The following ANXA11 variants were observed in gnomAD, a reference collection of about 807,000 sequenced individuals.
The protein encoded by ANXA11 is 56 kDa autoantigen.
In ANXA11, 57 loss-of-function variants were observed where a neutral mutation model predicts 64.7. The ratio of observed to expected loss-of-function variants is 0.88; its 90% CI spans 0.71 to 1.10. The LOEUF is 1.10. Among genes scored for constraint, ANXA11 ranks in the 50% least tolerant of loss-of-function variants. ANXA11 has a pLI of 0.00. For synonymous variants in ANXA11, 260 were observed against 265.2 expected (o/e 0.98, Z 0.19); for missense variants, 675 against 670.7 (o/e 1.01, Z -0.07).
intron 3 of ANXA11, chr10:80,171,941 A>G (rs1845992471): frequency 1.0e-6 from 1 of 984,268 alleles, no homozygotes; most frequent in South Asian, 4.7e-5. Context: ...GCCCTGGGAC[A>G]GCAGCTGAGC....
intron 1 of ANXA11, among the ~76,000 whole-genome samples, chr10:80,193,618 C>T (rs1466370282): frequency 2.0e-5 from 3 of 151,824 alleles, no homozygotes; most frequent in Non-Finnish European, 4.4e-5. Context: ...CTGAGGCAGG[C>T]AGATCACTTG....
chr10:80,203,084 G>T (rs1840509451), intron 1 of ANXA11, among the ~76,000 whole-genome samples: 1 of 151,504 alleles, frequency 6.6e-6, no homozygotes, highest in African/African-American at 2.4e-5. Flanking sequence ...AAGAAGAGGG[G>T]TGAATCCAGG....
In ANXA11 at chr10:80,153,106, C is replaced by T. The variant is rs1200838339; in HGVS notation, c.*2747G>A. 1 of 152,204 alleles carries T rather than the reference C, an allele frequency of 6.6e-6. No individual in the cohort carries two copies. The highest frequency in any genetic ancestry group is 1.5e-5 in the Non-Finnish European group (1 of 68,040). The allele number at this position is 152,204 out of a possible 1,614,324, so 9.4% of individuals were successfully genotyped here. A position where few individuals can be genotyped will look rare whatever the true frequency, so the allele number is the denominator to read the frequency against. On this transcript the variant is annotated 3_prime_UTR_variant, in exon 16 of 16. Transcript: ENST00000422982. ...CTTGGTCTATTCCTTGACCAAAGCA[C>T]ATCCATGTACTTTACAACAGGTGGT...
intron 5 of ANXA11, among the ~76,000 whole-genome samples, chr10:80,167,706 C>T (rs999097195): frequency 6.6e-6 from 1 of 152,208 alleles, no homozygotes; most frequent in African/African-American, 2.4e-5. Flanking sequence ...ATGGGTACTC[C>T]TAACAGGGCT....
In ANXA11 at chr10:80,162,038, G is replaced by C. The variant is rs762584554; in HGVS notation, c.1087-10C>G. On this transcript the variant is annotated splice_polypyrimidine_tract_variant and intron_variant, in intron 11 of 15. Transcript: ENST00000422982. ...CGGCCGCATACAGCTCCTGGAGAGAGAGGAAGACGCACATGTGGCACAGGC... is the reference window on the plus strand; with the variant it reads ...CGGCCGCATACAGCTCCTGGAGAGACAGGAAGACGCACATGTGGCACAGGC... 5.0e-6 allele frequency: 8 copies of C among 1,607,198 alleles called. No individual in the cohort carries two copies. The highest frequency in any genetic ancestry group is 1.6e-4 in the Middle Eastern group (1 of 6,076).
chr10:80,156,015 C>A, intron 15 of ANXA11, 103 bp from the exon 16 acceptor site: 1 of 1,235,970 alleles, frequency 8.1e-7, no homozygotes, highest in Non-Finnish European at 1.2e-6. Context: ...GGGAGAAAGC[C>A]CCACCCTGGG....
chr10:80,180,477 G>A (rs961556870), intron 1 of ANXA11, among the ~76,000 whole-genome samples: 19 of 151,914 alleles, frequency 1.3e-4, no homozygotes, highest in African/African-American at 4.6e-4. Flanking sequence ...GAGAGGCAAG[G>A]GCCTAGAAAC....
intron 1 of ANXA11, among the ~76,000 whole-genome samples, chr10:80,196,486 G>A (rs1251299656): frequency 6.6e-6 from 1 of 152,144 alleles, no homozygotes; most frequent in East Asian, 1.9e-4. Context: ...GTAGGCCCCA[G>A]GAATTCTGGG....
chr10:80,158,863 C>T (rs1432435329), intron 13 of ANXA11, among the ~76,000 whole-genome samples: 1 of 152,204 alleles, frequency 6.6e-6, no homozygotes, highest in African/African-American at 2.4e-5. Flanking sequence ...CAGTTCCCTA[C>T]TCCAGAGCTG....
At chr10:80,188,358 C>A (rs866817326) in intron 1 of ANXA11, among the ~76,000 whole-genome samples, 1 of 151,780 alleles carries the variant, frequency 6.6e-6, no homozygotes, top group Non-Finnish European at 1.5e-5. Flanking sequence ...TCTAGCTCTA[C>A]CTCTTGTTAG....
At chr10:80,185,445 C>A (rs893038324) in intron 1 of ANXA11, among the ~76,000 whole-genome samples, 1 of 152,202 alleles carries the variant, frequency 6.6e-6, no homozygotes, top group Admixed American at 6.5e-5. Context: ...TTAGAAAATG[C>A]TTACTACATA....
intron 2 of ANXA11, among the ~76,000 whole-genome samples, chr10:80,175,385 T>C (rs538948071): frequency 1.1e-4 from 17 of 151,938 alleles, no homozygotes; most frequent in African/African-American, 4.1e-4. Flanking sequence ...CCAAAGACAC[T>C]CTCCACTCCT....
At chr10:80,166,710 C>G (rs1163717340) in intron 7 of ANXA11, 180 bp downstream of exon 7, 1 of 606,614 alleles carries the variant, frequency 1.6e-6, no homozygotes, top group Non-Finnish European at 2.9e-6. Flanking sequence ...ACCTCAGCAC[C>G]CGGTGGCATC....
At chr10:80,164,019 G>A in intron 9 of ANXA11, 34 bp downstream of exon 9, 2 of 1,551,346 alleles carry the variant, frequency 1.3e-6, no homozygotes, top group Non-Finnish European at 1.8e-6. Context: ...ATCTGCAGAG[G>A]GCAGAGGGCA....
In ANXA11 at chr10:80,153,990, T is replaced by C. The variant is rs965076373; in HGVS notation, c.*1863A>G. 6.6e-6 allele frequency: 1 copy of C among 152,226 alleles called. No individual in the cohort carries two copies. The highest frequency in any genetic ancestry group is 1.5e-5 in the Non-Finnish European group (1 of 68,102). 9.4% of individuals were successfully genotyped at this position (152,226 alleles called of 1,614,324 possible). A position where few individuals can be genotyped will look rare whatever the true frequency, so the allele number is the denominator to read the frequency against. On this transcript the variant is annotated 3_prime_UTR_variant, in exon 16 of 16. Coordinates refer to ENST00000422982, the MANE Select transcript of ANXA11 (RefSeq NM_145868.2). ...TCTCGCTCTGTTGTCCAGGCTGGAG[T>C]GCAGTGGTGTAATCACAGCTTACTA...
At chr10:80,157,474 A>G (rs1845319018) in intron 15 of ANXA11, 167 bp downstream of exon 15, 1 of 985,058 alleles carries the variant, frequency 1.0e-6, no homozygotes, top group Non-Finnish European at 1.2e-6. Context: ...CTGCCCTCAG[A>G]AATTTATAAT....
In ANXA11 at chr10:80,153,732, G is replaced by A. The variant is rs1325637422; in HGVS notation, c.*2121C>T. 2.0e-5 allele frequency: 3 copies of A among 152,340 alleles called. No homozygotes were observed. The highest frequency in any genetic ancestry group is 2.9e-5 in the Non-Finnish European group (2 of 68,128). 9.4% of individuals were successfully genotyped at this position (152,340 alleles called of 1,614,324 possible). A position where few individuals can be genotyped will look rare whatever the true frequency, so the allele number is the denominator to read the frequency against. Reference sequence around the variant, plus strand: ...GCATGGACTCTGACGCAGAGCTGACGTGTTGACCAGGACCTGCCATCAATC... The same window carrying A: ...GCATGGACTCTGACGCAGAGCTGACATGTTGACCAGGACCTGCCATCAATC... On this transcript the variant is annotated 3_prime_UTR_variant, in exon 16 of 16. Coordinates refer to ENST00000422982, the MANE Select transcript of ANXA11 (RefSeq NM_145868.2).
At position 80,177,592 on chromosome 10, in the gene ANXA11, A is replaced by G. The variant is rs375840410; in HGVS notation, c.-57-1437T>C. ...GCATTTGTGTTCTGCCAAGTAACCA[A>G]GACGAAAGGGACAACGAGGGACACT... On this transcript the variant is annotated intron_variant, in intron 1 of 15. Transcript: ENST00000422982. 4.0e-3 allele frequency among the ~76,000 whole-genome samples: 604 copies of G among 152,262 alleles called. 3 individuals carry two copies. Among genetic ancestry groups the G allele is most frequent in the Non-Finnish European group, 6.2e-3 (419 of 68,020 alleles).
At chr10:80,156,812 C>T (rs1158462490) in intron 15 of ANXA11, among the ~76,000 whole-genome samples, 1 of 152,196 alleles carries the variant, frequency 6.6e-6, no homozygotes, top group African/African-American at 2.4e-5. Context: ...CCTAGAATCA[C>T]TAATTCTCTA....
Sources: allele counts gnomAD v4.1 joint callset (sites outside exome capture counted in the v4.1 genomes callset), GRCh38; gene constraint gnomAD v4.1.1; transcripts MANE v1.5; gene names NCBI Gene and HGNC (gene_info 2026-07-23, HGNC 2026-07-21).